Variants in PDE7A observed in about 807,000 individuals in gnomAD.
PDE7A encodes the protein phosphodiesterase 7A, also known as high affinity 3',5'-cyclic-AMP phosphodiesterase 7A.
In PDE7A, 39 loss-of-function variants were observed where a neutral mutation model predicts 64.3. That is an observed-to-expected ratio of 0.61 (90% confidence interval 0.47 to 0.79). The LOEUF (loss-of-function observed/expected upper bound fraction) is 0.79, where lower values mean the gene tolerates loss of function less well. Ranked by LOEUF, PDE7A falls within the 30% of genes least tolerant of loss-of-function variation. PDE7A has a pLI of 0.00. For missense variants in PDE7A, 470 were observed against 582.8 expected, an observed-to-expected ratio of 0.81 and a Z score of 1.99; for synonymous variants, 203 against 206.8, an observed-to-expected ratio of 0.98 and a Z score of 0.16.
At chr8:65,772,262 T>A (rs1209161657) in intron 3 of PDE7A, among the ~76,000 whole-genome samples, 1 of 152,188 alleles carries the variant, frequency 6.6e-6, no homozygotes, top group Non-Finnish European at 1.5e-5. Flanking sequence ...AATTTTGCAA[T>A]CAGAACACCT....
chr8:65,787,000 T>C (rs1186614812), intron 1 of PDE7A, among the ~76,000 whole-genome samples: 1 of 152,182 alleles, frequency 6.6e-6, no homozygotes, highest in Non-Finnish European at 1.5e-5. Context: ...AGATTTGACT[T>C]GAAGGTAAAT....
intron 1 of PDE7A, among the ~76,000 whole-genome samples, chr8:65,840,513 G>C (rs1397129504): frequency 2.0e-5 from 3 of 152,048 alleles, no homozygotes; most frequent in Non-Finnish European, 2.9e-5. Context: ...AAATATATTT[G>C]ATTAATAAAA....
chr8:65,769,247 C>CAAAAA (rs61554087), intron 3 of PDE7A, among the ~76,000 whole-genome samples: 10 of 74,460 alleles, frequency 1.3e-4, no homozygotes, highest in Non-Finnish European at 1.8e-4. Flanking sequence ...GACTCAGTCT[C>CAAAAA]AAAAAAAAAA....
chr8:65,841,042 A>C (rs1216513696), intron 1 of PDE7A, among the ~76,000 whole-genome samples: 1 of 152,228 alleles, frequency 6.6e-6, no homozygotes, highest in East Asian at 1.9e-4. Context: ...GCCACGACTA[A>C]GGAATAAAGA....
intron 4 of PDE7A, 71 bp from the exon 5 acceptor site, chr8:65,745,541 G>A: frequency 1.2e-6 from 1 of 839,010 alleles, no homozygotes; most frequent in East Asian, 2.5e-5. Flanking sequence ...ATATTCCATA[G>A]AGAAGTTAAA....
In PDE7A at chr8:65,841,377, G is replaced by A; in HGVS notation, c.132C>T (p.Leu44=). The change falls in exon 1 of 13, where the codon CTC becomes CTT. Residue 44 remains leucine (L), a synonymous_variant. Coordinates refer to ENST00000401827, the MANE Select transcript of PDE7A (RefSeq NM_001242318.3). Reference sequence around the variant, plus strand: ...GCCCGGCGGCGGCGATTACCTGAGAGAGCTGCCGGGGATTGGGGCAGCCGA... The same window carrying A: ...GCCCGGCGGCGGCGATTACCTGAGAAAGCTGCCGGGGATTGGGGCAGCCGA... ...ALFGCPNPRQ[L]SQRRGAISYD... The A allele has an allele frequency of 1.3e-6, 2 of 1,557,096 alleles. No individual in the cohort carries two copies. The highest frequency in any genetic ancestry group is 1.7e-6 in the Non-Finnish European group (2 of 1,156,312).
intron 12 of PDE7A, among the ~76,000 whole-genome samples, chr8:65,721,510 T>G (rs556034277): frequency 3.7e-4 from 57 of 152,052 alleles, no homozygotes; most frequent in African/African-American, 1.3e-3. Flanking sequence ...TCCCCTAGGG[T>G]TGTTGTGTGG....
At chr8:65,719,765 C>A in intron 12 of PDE7A, 1 of 432,496 alleles carries the variant, frequency 2.3e-6, no homozygotes, top group Non-Finnish European at 4.2e-6. Context: ...CTCAGTGGCA[C>A]AACTACATTC....
At chr8:65,785,035 C>T (rs1300720671) in intron 1 of PDE7A, among the ~76,000 whole-genome samples, 1 of 151,966 alleles carries the variant, frequency 6.6e-6, no homozygotes, top group African/African-American at 2.4e-5. Flanking sequence ...TGAAAGCCCT[C>T]ACTTGGATTT....
At chr8:65,783,225 C>A (rs1809464622) in intron 1 of PDE7A, among the ~76,000 whole-genome samples, 1 of 152,200 alleles carries the variant, frequency 6.6e-6, no homozygotes, top group Admixed American at 6.5e-5. Context: ...GGCTTTCCTG[C>A]TGCATCTCTT....
chr8:65,817,331 A>C (rs1810431987), intron 1 of PDE7A, among the ~76,000 whole-genome samples: 2 of 152,242 alleles, frequency 1.3e-5, no homozygotes, highest in African/African-American at 2.4e-5. Context: ...CAAATACACA[A>C]ACATGTCTAT....
intron 1 of PDE7A, chr8:65,788,796 A>G (rs1319069035): frequency 1.1e-6 from 1 of 870,552 alleles, no homozygotes; most frequent in Non-Finnish European, 1.9e-6. Context: ...CTGAGGCAAA[A>G]GGAGGAGAAA....
intron 7 of PDE7A, chr8:65,728,612 A>C (rs1181134071): frequency 6.6e-6 from 1 of 152,230 alleles, no homozygotes; most frequent in Non-Finnish European, 1.5e-5. Flanking sequence ...GCTGCTTACT[A>C]ATCAAGATGA....
intron 9 of PDE7A, among the ~76,000 whole-genome samples, chr8:65,726,030 T>A (rs1012266186): frequency 5.9e-5 from 9 of 152,336 alleles, no homozygotes; most frequent in Admixed American, 2.0e-4. Context: ...CTCATGGTCA[T>A]TACACAAAAC....
At chr8:65,792,572 G>T (rs1444152516) in intron 1 of PDE7A, among the ~76,000 whole-genome samples, 1 of 152,134 alleles carries the variant, frequency 6.6e-6, no homozygotes, top group Non-Finnish European at 1.5e-5. Context: ...TATAATTTTG[G>T]AATCCCATGG....
intron 1 of PDE7A, among the ~76,000 whole-genome samples, chr8:65,793,347 T>A (rs1253773124): frequency 3.9e-5 from 6 of 152,150 alleles, no homozygotes; most frequent in East Asian, 1.9e-4. Flanking sequence ...TATATCAGCA[T>A]GCTGAATTAC....
At position 65,723,605 on chromosome 8, in the gene PDE7A, T is replaced by C. The variant is rs1448402881; in HGVS notation, c.1179A>G (p.Lys393=). ...EFFHQGDIEK[K]YHLGVSPLCD... Reference sequence around the variant, plus strand: ...AAAGTGGACTCACACCCAAATGATATTTTTTTTCTATATCTCCTATAAATT... The same window carrying C: ...AAAGTGGACTCACACCCAAATGATACTTTTTTTCTATATCTCCTATAAATT... Residue 393 remains lysine (K), a synonymous_variant, in exon 12 of 13, where the codon AAA becomes AAG. Transcript: ENST00000401827. The C allele has an allele frequency of 1.9e-6, 3 of 1,565,306 alleles. No individual in the cohort carries two copies. The highest frequency in any genetic ancestry group is 2.5e-5 in the South Asian group (2 of 80,888).
chr8:65,789,822 C>A (rs1171617329), intron 1 of PDE7A, among the ~76,000 whole-genome samples: 1 of 152,116 alleles, frequency 6.6e-6, no homozygotes, highest in African/African-American at 2.4e-5. Context: ...TAATATGTAC[C>A]AGGCTCTGCA....
At chr8:65,729,933 C>T (rs1319825907) in intron 7 of PDE7A, among the ~76,000 whole-genome samples, 1 of 151,958 alleles carries the variant, frequency 6.6e-6, no homozygotes, top group Non-Finnish European at 1.5e-5. Context: ...AATGAACCTC[C>T]CACACACAGA....
Sources: gnomAD v4.1 joint callset for allele counts (sites outside exome capture counted in the v4.1 genomes callset) on GRCh38, gnomAD v4.1.1 for gene constraint, MANE v1.5 for transcripts, NCBI Gene and HGNC (gene_info 2026-07-23, HGNC 2026-07-21) for gene names.